The following PKIB variants were observed in gnomAD, a reference collection of about 807,000 sequenced individuals.
PKIB encodes PKI-beta.
A neutral mutation model predicts 4.5 loss-of-function variants in PKIB; 2 were observed. The observed-to-expected ratio is 0.44, with a 90% CI of 0.18 to 1.39. The LOEUF is 1.39. Among genes scored for constraint, PKIB ranks in the 40% most tolerant of loss-of-function variants. The pLI, the probability that PKIB is intolerant of heterozygous loss-of-function variation, is 0.27. For missense variants in PKIB, 94 were observed against 92.6 expected (o/e 1.02, Z -0.06); for synonymous variants, 38 against 36.0 (o/e 1.06, Z -0.20).
intron 2 of PKIB, among the ~76,000 whole-genome samples, chr6:122,525,951 G>A (rs1347630257): frequency 6.6e-6 from 1 of 152,088 alleles, no homozygotes; most frequent in Non-Finnish European, 1.5e-5. Flanking sequence ...TCAAATCTCT[G>A]CAATGTTGCT....
intron 3 of PKIB, among the ~76,000 whole-genome samples, chr6:122,703,943 G>C (rs9388122): frequency 2.2e-5 from 2 of 91,172 alleles, no homozygotes; most frequent in African/African-American, 8.1e-5. Flanking sequence ...TATATATATA[G>C]AGAGAGAGAG....
chr6:122,616,514 T>G (rs1046249116), intron 1 of PKIB, among the ~76,000 whole-genome samples: 109 of 152,272 alleles, frequency 7.2e-4, no homozygotes, highest in African/African-American at 2.6e-3. Flanking sequence ...AATTAATTTT[T>G]GTTTAATATT....
chr6:122,687,551 G>T (rs1241327966), intron 3 of PKIB, among the ~76,000 whole-genome samples: 1 of 152,122 alleles, frequency 6.6e-6, no homozygotes, highest in Non-Finnish European at 1.5e-5. Flanking sequence ...TCTGTAGATT[G>T]CTTTGGGTAA....
chr6:122,703,933 T>TATAA (rs1454225386), intron 3 of PKIB, among the ~76,000 whole-genome samples: 1 of 125,444 alleles, frequency 8.0e-6, no homozygotes, highest in Non-Finnish European at 1.7e-5. Context: ...TATATATATA[T>TATAA]ATATATATAG....
intron 2 of PKIB, among the ~76,000 whole-genome samples, chr6:122,513,514 A>G (rs1008803837): frequency 1.3e-5 from 2 of 152,210 alleles, no homozygotes; most frequent in Non-Finnish European, 2.9e-5. Flanking sequence ...CAGCTTTGCT[A>G]CAAGAGTATT....
At chr6:122,633,021 A>G (rs1043029130) in intron 1 of PKIB, among the ~76,000 whole-genome samples, 1 of 152,254 alleles carries the variant, frequency 6.6e-6, no homozygotes, top group African/African-American at 2.4e-5. Context: ...AAAATAATAC[A>G]AAGAAATACA....
intron 1 of PKIB, among the ~76,000 whole-genome samples, chr6:122,628,660 T>C (rs1775566783): frequency 6.6e-6 from 1 of 152,234 alleles, no homozygotes; most frequent in Admixed American, 6.5e-5. Context: ...TACTATTTCT[T>C]CCTATGGCTA....
intron 3 of PKIB, among the ~76,000 whole-genome samples, chr6:122,591,004 C>T (rs977377411): frequency 1.5e-4 from 22 of 151,488 alleles, no homozygotes; most frequent in Non-Finnish European, 1.0e-4. Context: ...GTATCTTTCA[C>T]GAGTTTTGCC....
chr6:122,488,847 T>A (rs1199725362), intron 2 of PKIB, among the ~76,000 whole-genome samples: 1 of 152,212 alleles, frequency 6.6e-6, no homozygotes, highest in Non-Finnish European at 1.5e-5. Flanking sequence ...TATCTACTTC[T>A]GTATCTATCT....
chr6:122,557,260 T>G (rs544255324), intron 2 of PKIB, among the ~76,000 whole-genome samples: 2 of 152,288 alleles, frequency 1.3e-5, no homozygotes, highest in South Asian at 4.1e-4. Flanking sequence ...AACAAATTAG[T>G]GCATGAGCAA....
chr6:122,688,850 G>A (rs1208504875), intron 3 of PKIB, among the ~76,000 whole-genome samples: 5 of 149,504 alleles, frequency 3.3e-5, no homozygotes, highest in African/African-American at 7.4e-5. Context: ...GCGCGATCTC[G>A]GCTCACTGCA....
At chr6:122,507,537 G>A (rs774961629) in intron 2 of PKIB, among the ~76,000 whole-genome samples, 21 of 151,376 alleles carry the variant, frequency 1.4e-4, no homozygotes, top group Non-Finnish European at 2.2e-4. Context: ...TGTAAGTTGG[G>A]TCCATCATTT....
At chr6:122,518,343 A>T (rs1048716093) in intron 2 of PKIB, among the ~76,000 whole-genome samples, 1 of 152,150 alleles carries the variant, frequency 6.6e-6, no homozygotes, top group Non-Finnish European at 1.5e-5. Context: ...AGAAGAAAAT[A>T]AGCAGATACT....
intron 2 of PKIB, among the ~76,000 whole-genome samples, chr6:122,663,295 TA>T (rs1335301257): frequency 6.6e-6 from 1 of 152,176 alleles, no homozygotes; most frequent in Non-Finnish European, 1.5e-5. Flanking sequence ...TGCTCTAATT[TA>T]AAAAAGATGA....
intron 1 of PKIB, among the ~76,000 whole-genome samples, chr6:122,619,378 T>C (rs1775126680): frequency 6.6e-6 from 1 of 152,138 alleles, no homozygotes; most frequent in African/African-American, 2.4e-5. Flanking sequence ...TAGTAAGAAA[T>C]AAAGTGGGGA....
intron 2 of PKIB, among the ~76,000 whole-genome samples, chr6:122,575,152 T>C (rs1773489608): frequency 6.6e-6 from 1 of 152,106 alleles, no homozygotes; most frequent in African/African-American, 2.4e-5. Context: ...GAAAAAATGC[T>C]CACCATTGCT....
chr6:122,631,149 C>T (rs1775683548), intron 1 of PKIB, among the ~76,000 whole-genome samples: 1 of 152,140 alleles, frequency 6.6e-6, no homozygotes, highest in South Asian at 2.1e-4. Context: ...TAAAACTCTA[C>T]AACACAATGA....
At chr6:122,521,223 C>G (rs1776936218) in intron 2 of PKIB, among the ~76,000 whole-genome samples, 1 of 152,194 alleles carries the variant, frequency 6.6e-6, no homozygotes, top group Admixed American at 6.5e-5. Flanking sequence ...AAACAGTAAC[C>G]ATGACCTTTT....
intron 2 of PKIB, among the ~76,000 whole-genome samples, chr6:122,574,651 A>T (rs1582707961): frequency 6.6e-6 from 1 of 151,874 alleles, no homozygotes; most frequent in African/African-American, 2.4e-5. Flanking sequence ...ACAAAAACAT[A>T]AACTGTATAT....
Sources: allele counts gnomAD v4.1 joint callset (sites outside exome capture counted in the v4.1 genomes callset), GRCh38; gene constraint gnomAD v4.1.1; transcripts MANE v1.5; gene names NCBI Gene and HGNC (gene_info 2026-07-23, HGNC 2026-07-21).